The following EYS variants were observed in gnomAD, a reference collection of about 807,000 sequenced individuals.
The protein encoded by EYS is EGF-like photoreceptor maintenance factor, also known as protein eyes shut homolog.
EYS carries 250 observed loss-of-function variants against 282.1 expected under a neutral mutation model. That is an observed-to-expected ratio of 0.89 (90% CI 0.80 to 0.98). The LOEUF is 0.98. EYS is among the 50% of genes least tolerant of loss of function. EYS has a pLI of 0.00. For synonymous variants in EYS, 1,355 were observed against 1,282.9 expected (o/e 1.06, Z -1.20); for missense variants, 4,016 against 3,709.0 (o/e 1.08, Z -2.15).
At chr6:64,888,559 C>A (rs890802980) in intron 18 of EYS, among the ~76,000 whole-genome samples, 1 of 151,914 alleles carries the variant, frequency 6.6e-6, no homozygotes, top group Admixed American at 6.6e-5. Flanking sequence ...CAATGGGATA[C>A]TGGGTGAAAG....
At chr6:63,975,598 C>A (rs1384419186) in intron 35 of EYS, among the ~76,000 whole-genome samples, 2 of 152,066 alleles carry the variant, frequency 1.3e-5, no homozygotes, top group East Asian at 1.9e-4. Context: ...CTTATCACAA[C>A]CTTTTCTTGT....
intron 35 of EYS, among the ~76,000 whole-genome samples, chr6:63,935,698 T>C (rs1409535696): frequency 6.6e-6 from 1 of 152,224 alleles, no homozygotes; most frequent in African/African-American, 2.4e-5. Context: ...ATTGGACTTC[T>C]AACCTACAAA....
chr6:64,359,651 T>C (rs963324055), intron 29 of EYS, among the ~76,000 whole-genome samples: 1 of 151,664 alleles, frequency 6.6e-6, no homozygotes, highest in African/African-American at 2.4e-5. Flanking sequence ...TGCCAGTGAA[T>C]TCGGTTTCTG....
intron 35 of EYS, among the ~76,000 whole-genome samples, chr6:63,971,223 C>T (rs1347969100): frequency 6.6e-6 from 1 of 152,172 alleles, no homozygotes; most frequent in African/African-American, 2.4e-5. Flanking sequence ...TCTATTTCAA[C>T]TTAAGGATGA....
At chr6:65,426,036 C>T (rs1467623831) in intron 5 of EYS, among the ~76,000 whole-genome samples, 1 of 152,058 alleles carries the variant, frequency 6.6e-6, no homozygotes, top group Non-Finnish European at 1.5e-5. Flanking sequence ...AGTGTAGTGG[C>T]ACAATCATAG....
chr6:65,346,573 A>G (rs1770403368), intron 9 of EYS, among the ~76,000 whole-genome samples: 1 of 151,744 alleles, frequency 6.6e-6, no homozygotes, highest in African/African-American at 2.4e-5. Flanking sequence ...AGAAATAGGA[A>G]AGAGAAAAGA....
intron 31 of EYS, among the ~76,000 whole-genome samples, chr6:64,098,487 G>T (rs1772711596): frequency 6.6e-6 from 1 of 152,012 alleles, no homozygotes; most frequent in South Asian, 2.1e-4. Flanking sequence ...GTGATATATA[G>T]TAAGAATACA....
intron 33 of EYS, among the ~76,000 whole-genome samples, chr6:64,047,737 A>G (rs1770676415): frequency 6.6e-6 from 1 of 152,036 alleles, no homozygotes; most frequent in Non-Finnish European, 1.5e-5. Context: ...TTCCCCTTTC[A>G]GGTGCATCTT....
At chr6:64,563,725 C>A (rs1765475237) in intron 26 of EYS, among the ~76,000 whole-genome samples, 2 of 152,012 alleles carry the variant, frequency 1.3e-5, no homozygotes, top group African/African-American at 4.8e-5. Flanking sequence ...AAGGAATTGA[C>A]AGTCTAATGA....
At chr6:64,620,808 G>A (rs1767422528) in intron 23 of EYS, among the ~76,000 whole-genome samples, 1 of 151,990 alleles carries the variant, frequency 6.6e-6, no homozygotes, top group South Asian at 2.1e-4. Flanking sequence ...AAATAGTTTG[G>A]TAACTGAAAA....
At chr6:63,830,391 G>C (rs914640561) in intron 36 of EYS, among the ~76,000 whole-genome samples, 3 of 152,192 alleles carry the variant, frequency 2.0e-5, no homozygotes, top group Non-Finnish European at 4.4e-5. Context: ...TGATGGAGCT[G>C]AAAACCATGG....
At chr6:64,720,474 C>T (rs1771542456) in intron 22 of EYS, among the ~76,000 whole-genome samples, 1 of 152,192 alleles carries the variant, frequency 6.6e-6, no homozygotes. Context: ...GGCCATCATT[C>T]TGCTTCCCAC....
At chr6:64,225,129 T>C (rs975362037) in intron 31 of EYS, among the ~76,000 whole-genome samples, 3 of 152,258 alleles carry the variant, frequency 2.0e-5, no homozygotes, top group Non-Finnish European at 2.9e-5. Flanking sequence ...TCTTGTTCCC[T>C]GGCTTTCCAG....
At chr6:65,491,700 C>A (rs1267664788) in intron 4 of EYS, 2 of 304,530 alleles carry the variant, frequency 6.6e-6, no homozygotes. Context: ...ATAGGCCACA[C>A]CCTAATTAAA....
intron 19 of EYS, among the ~76,000 whole-genome samples, 157 bp downstream of exon 19, chr6:64,886,537 ACTT>A (rs1176293444): frequency 6.6e-6 from 1 of 152,062 alleles, no homozygotes. Flanking sequence ...ACATAATTTT[ACTT>A]CTTATTAATT....
rs187534408 is a variant in EYS, at chr6:64,213,705, C to T, written c.6424+16887G>A. On this transcript the variant is annotated intron_variant, in intron 31 of 42. Coordinates refer to ENST00000503581, the MANE Select transcript of EYS (RefSeq NM_001142800.2). ...ATGTTAATGCCTTAAAATATATTAA[C>T]AGTGAAACATTAGAGGGCATTTTAG... 3.9e-5 allele frequency among the ~76,000 whole-genome samples: 6 copies of T among 152,156 alleles called. No individual in the cohort carries two copies. The East Asian group carries it at 9.7e-4, about 25-fold the overall frequency.
intron 35 of EYS, among the ~76,000 whole-genome samples, chr6:63,887,509 G>A (rs412094): frequency 0.99 from 150,382 of 152,066 alleles, 74,388 homozygotes; most frequent in Middle Eastern, 1. Flanking sequence ...ACAGAGGGTG[G>A]GCAGAATCAG....
chr6:65,311,718 C>A (rs1424707350), intron 11 of EYS, among the ~76,000 whole-genome samples: 1 of 152,184 alleles, frequency 6.6e-6, no homozygotes, highest in Admixed American at 6.6e-5. Flanking sequence ...AACCATGTGA[C>A]CTACTAATAC....
At chr6:65,472,157 CA>C (rs1174304211) in intron 5 of EYS, among the ~76,000 whole-genome samples, 1 of 151,972 alleles carries the variant, frequency 6.6e-6, no homozygotes, top group Non-Finnish European at 1.5e-5. Flanking sequence ...AATTACTTCT[CA>C]AAAACGAAAT....
Sources: gnomAD v4.1 joint callset for allele counts (sites outside exome capture counted in the v4.1 genomes callset) on GRCh38, gnomAD v4.1.1 for gene constraint, MANE v1.5 for transcripts, NCBI Gene and HGNC (gene_info 2026-07-23, HGNC 2026-07-21) for gene names.